RNF32: variants seen among roughly 807,000 people sequenced by gnomAD.
RNF32 encodes ring finger protein 32.
In RNF32, 36 loss-of-function variants were observed where a neutral mutation model predicts 41.0. The observed-to-expected ratio is 0.88, with a 90% CI of 0.67 to 1.16. The LOEUF is 1.16. Ranked by LOEUF, RNF32 falls within the 50% of genes most tolerant of loss-of-function variation. The probability of loss-of-function intolerance (pLI) is 0.00; values close to 1 mark genes in which losing one functional copy is unlikely to be tolerated. For missense variants in RNF32, 413 were observed against 436.7 expected, an observed-to-expected ratio of 0.95 and a Z score of 0.48; for synonymous variants, 154 against 160.9, an observed-to-expected ratio of 0.96 and a Z score of 0.32.
intron 6 of RNF32, 99 bp from the exon 7 acceptor site, chr7:156,658,363 C>A: frequency 6.5e-7 from 1 of 1,547,230 alleles, no homozygotes. Flanking sequence ...CCATAATTTC[C>A]CCAGGGCCTT....
intron 7 of RNF32, among the ~76,000 whole-genome samples, chr7:156,671,820 G>A (rs1802613483): frequency 6.7e-6 from 1 of 149,200 alleles, no homozygotes; most frequent in Non-Finnish European, 1.5e-5. Context: ...TGACCACGGT[G>A]CAGCTGAGGC....
Position 156,658,533 on chromosome 7 carries a change from C to A in RNF32, c.647C>A (p.Thr216Lys). 1.9e-6 allele frequency: 3 copies of A among 1,613,232 alleles called. No individual in the cohort carries two copies. The highest frequency in any genetic ancestry group is 2.5e-6 in the Non-Finnish European group (3 of 1,179,218). ...AACCTGAGGAAAACAGTACCTCCCACAGATGCCAAGTTAAGAAAAAAATTC... is the reference window on the plus strand; with the variant it reads ...AACCTGAGGAAAACAGTACCTCCCAAAGATGCCAAGTTAAGAAAAAAATTC... ...YRNLRKTVPPTDAKLRKKFFE... is the reference protein window; with the variant it reads ...YRNLRKTVPPKDAKLRKKFFE... The change falls in exon 7 of 9, where the codon ACA (threonine) becomes AAA (lysine). Residue 216 changes from threonine to lysine, a missense_variant. Thr to Lys is a moderately conservative substitution (Grantham distance 78). Transcript: ENST00000317955.
In RNF32 at chr7:156,659,962, CAG is replaced by C. The variant is rs1183311948; in HGVS notation, c.684+1398_684+1399del. 4 of 985,354 alleles carry C rather than the reference CAG, an allele frequency of 4.1e-6. No homozygotes were observed. The African/African-American group carries it at 7.0e-5, about 17-fold the overall frequency. 61.0% of individuals were successfully genotyped at this position (985,354 alleles called of 1,614,324 possible). On this transcript the variant is annotated intron_variant, in intron 7 of 8. Coordinates refer to ENST00000317955, the MANE Select transcript of RNF32 (RefSeq NM_030936.4). ...TCAGTTTCTAATTCAGTGTCTCCCACAGAGAGATGGAACTTTACAAGGCAGAT... is the reference window on the plus strand; with the variant it reads ...TCAGTTTCTAATTCAGTGTCTCCCACAGAGATGGAACTTTACAAGGCAGAT...
intron 7 of RNF32, among the ~76,000 whole-genome samples, chr7:156,673,384 T>C (rs995572390): frequency 6.6e-6 from 1 of 152,218 alleles, no homozygotes; most frequent in Non-Finnish European, 1.5e-5. Flanking sequence ...AGAGAACTCT[T>C]CTACTTTCAA....
chr7:156,644,630 C>T lies in RNF32; in HGVS notation c.147C>T (p.Asn49=). 1.9e-6 allele frequency: 3 copies of T among 1,613,124 alleles called. No homozygotes were observed. Among genetic ancestry groups the T allele is most frequent in the Non-Finnish European group, 2.5e-6 (3 of 1,179,356 alleles). ...HSKTQVQKKE[N]KSLKRDTKAI... is the part of the protein sequence containing the mutation. ...AGACACAAGTACAAAAGAAAGAGAA[C>T]AAATCTCTAAAAAGAGATACAAAGG... is the stretch of plus-strand genomic sequence containing the variant. Residue 49 remains asparagine, a synonymous_variant, in exon 3 of 9, where the codon AAC becomes AAT. Transcript: ENST00000317955.
rs1218710526 is a variant in RNF32 at position 156,669,455 on chromosome 7, G to A, written c.685-6241G>A. ...CACCCTGAACCCAAATGGAGGAACC[G>A]TGCCGTTCCCTGGAACCTCTGTCCA... On this transcript the variant is annotated intron_variant, in intron 7 of 8. Coordinates refer to ENST00000317955, the MANE Select transcript of RNF32 (RefSeq NM_030936.4). The surrounding 1 kb of genome is among the most constrained non-coding windows in gnomAD (Gnocchi z 4.2). 6.6e-6 allele frequency among the ~76,000 whole-genome samples: 1 copy of A among 152,158 alleles called. No homozygotes were observed. The highest frequency in any genetic ancestry group is 2.4e-5 in the African/African-American group (1 of 41,430).
At chr7:156,660,016 G>A (rs1800374369) in intron 7 of RNF32, 3 of 985,258 alleles carry the variant, frequency 3.0e-6, no homozygotes, top group South Asian at 9.4e-5. Context: ...CTGGACGTTG[G>A]GTCCGCTGCC....
rs372420571 is a variant in RNF32, at chr7:156,654,728, A to G, written c.417+10A>G. 14 of 1,612,216 alleles carry G rather than the reference A, an allele frequency of 8.7e-6. No homozygotes were observed. The highest frequency in any genetic ancestry group is 4.4e-5 in the South Asian group (4 of 90,990). On this transcript the variant is annotated intron_variant, in intron 4 of 8. Transcript: ENST00000317955. ...CGAGCTTCGTCCTCAGGTGTTTAGC[A>G]TACGAGGGTGAGCTAGAGAGCTCCT...
In RNF32 at chr7:156,676,546, A is replaced by T; in HGVS notation, c.980A>T (p.His327Leu). 6.2e-7 allele frequency: 1 copy of T among 1,613,974 alleles called. No individual in the cohort carries two copies. The highest frequency in any genetic ancestry group is 2.2e-5 in the East Asian group (1 of 44,870). The part of the protein sequence containing the change: ...MALLSCSHVF[H>L]HACLLALEEF... ...CTCCTGTCCTGCTCACATGTGTTCC[A>T]CCATGCGTGTCTGCTGGCACTAGAG... The change falls in exon 9 of 9, where the codon CAC (histidine) becomes CTC (leucine). Residue 327 changes from histidine (H) to leucine (L), a missense_variant. By Grantham distance (99) the His-to-Leu change is moderately conservative (BLOSUM62 -3). Transcript: ENST00000317955.
At chr7:156,659,424 C>T (rs902696319) in intron 7 of RNF32, 39 of 985,498 alleles carry the variant, frequency 4.0e-5, no homozygotes, top group Non-Finnish European at 4.3e-5. Context: ...GGTAAAGGAC[C>T]GCCATGCACG....
At chr7:156,675,454 A>T (rs1195807729) in intron 7 of RNF32, among the ~76,000 whole-genome samples, 4 of 152,216 alleles carry the variant, frequency 2.6e-5, no homozygotes, top group African/African-American at 9.6e-5. Flanking sequence ...CAGTATGCCA[A>T]GGTGCCGTAT....
At chr7:156,642,577 T>C (rs1039148515) in intron 1 of RNF32, among the ~76,000 whole-genome samples, 1 of 152,198 alleles carries the variant, frequency 6.6e-6, no homozygotes, top group Non-Finnish European at 1.5e-5. Context: ...CGAGTTTTTA[T>C]TTGACAATAA....
chr7:156,657,682 T>C, intron 5 of RNF32, 109 bp downstream of exon 5: 1 of 968,094 alleles, frequency 1.0e-6, no homozygotes, highest in South Asian at 1.3e-5. Context: ...ATTTTATTCA[T>C]CACCACCATC....
chr7:156,650,234 A>G (rs1585016761), intron 3 of RNF32, among the ~76,000 whole-genome samples: 1 of 152,220 alleles, frequency 6.6e-6, no homozygotes, highest in Admixed American at 6.5e-5. Flanking sequence ...GCATGGACAC[A>G]AGAGGGTGCA....
rs1391815249 is a variant in RNF32 at position 156,676,359 on chromosome 7, G to A, written c.853-60G>A. 3 of 1,613,596 alleles carry A rather than the reference G, an allele frequency of 1.9e-6. No individual in the cohort carries two copies. The African/African-American group carries it at 4.0e-5, about 22-fold the overall frequency. On this transcript the variant is annotated intron_variant, in intron 8 of 8. Coordinates refer to ENST00000317955, the MANE Select transcript of RNF32 (RefSeq NM_030936.4). ...GCACATGGTTCGCATTTCAGTTTAA[G>A]TAACTTTCTGCTGTGATGAAACTAA...
chr7:156,663,072 G>A (rs923484078), intron 7 of RNF32, among the ~76,000 whole-genome samples: 1 of 151,994 alleles, frequency 6.6e-6, no homozygotes, highest in Non-Finnish European at 1.5e-5. Context: ...CTGATCTCGT[G>A]ATCCACCAGC....
rs755867609 is a variant in RNF32, at chr7:156,676,416, C to A, written c.853-3C>A. On this transcript the variant is annotated splice_polypyrimidine_tract_variant and splice_region_variant and intron_variant, in intron 8 of 8. Transcript: ENST00000317955. ...TGGCCTCTTCCCGTCCTGTGTGCCG[C>A]AGGCTCTGCGCCGGGAGACCCACGA... 1.2e-5 allele frequency: 19 copies of A among 1,613,970 alleles called. No homozygotes were observed. The highest frequency in any genetic ancestry group is 1.6e-5 in the Non-Finnish European group (19 of 1,179,992).
At chr7:156,673,758 T>C (rs1005339614) in intron 7 of RNF32, among the ~76,000 whole-genome samples, 2 of 152,174 alleles carry the variant, frequency 1.3e-5, no homozygotes, top group Admixed American at 6.5e-5. Context: ...AGGCAGCTCA[T>C]AGTCTCCACA....
chr7:156,660,099 C>T (rs896318695), intron 7 of RNF32: 5 of 985,774 alleles, frequency 5.1e-6, no homozygotes, highest in South Asian at 4.7e-5. Context: ...GCTGCCTCCT[C>T]GTCCTGAGCC....
Sources: allele counts gnomAD v4.1 joint callset (sites outside exome capture counted in the v4.1 genomes callset), GRCh38; gene constraint gnomAD v4.1.1; non-coding constraint Gnocchi (gnomAD v3.1); transcripts MANE v1.5; gene names NCBI Gene and HGNC (gene_info 2026-07-23, HGNC 2026-07-21).